Variants in GPR107 observed in about 807,000 individuals in gnomAD.
The protein encoded by GPR107 is protein GPR107.
A neutral mutation model predicts 75.5 loss-of-function variants in GPR107; 31 were observed. The observed-to-expected ratio is 0.41, with a 90% CI of 0.31 to 0.55. The LOEUF is 0.55. Ranked by LOEUF, GPR107 falls within the 20% of genes least tolerant of loss-of-function variation. The pLI is 0.26. For missense variants in GPR107, 572 were observed against 665.7 expected, an observed-to-expected ratio of 0.86 and a Z score of 1.55; for synonymous variants, 267 against 251.3, an observed-to-expected ratio of 1.06 and a Z score of -0.59.
intron 17 of GPR107, 86 bp downstream of exon 17, chr9:130,128,847 C>T: frequency 7.8e-7 from 1 of 1,279,060 alleles, no homozygotes; most frequent in Non-Finnish European, 1.1e-6. Flanking sequence ...CGGCTGCTCT[C>T]AGCATTTCGT....
chr9:130,060,546 A>G (rs1423945263), intron 1 of GPR107, among the ~76,000 whole-genome samples: 2 of 151,950 alleles, frequency 1.3e-5, no homozygotes, highest in African/African-American at 4.8e-5. Flanking sequence ...CAGCCTCCAA[A>G]GTAGCTAAGA....
intron 1 of GPR107, among the ~76,000 whole-genome samples, chr9:130,072,806 C>T (rs1399516417): frequency 1.3e-5 from 2 of 151,872 alleles, no homozygotes; most frequent in African/African-American, 4.8e-5. Flanking sequence ...TTGTGGTGGC[C>T]TAAGTATAAA....
At chr9:130,093,901 C>CA (rs1830801445) in intron 9 of GPR107, among the ~76,000 whole-genome samples, 1 of 152,162 alleles carries the variant, frequency 6.6e-6, no homozygotes, top group African/African-American at 2.4e-5. Flanking sequence ...CTGCAACCTC[C>CA]ACCTCTGGGT....
intron 16 of GPR107, among the ~76,000 whole-genome samples, chr9:130,128,092 T>C (rs936449367): frequency 2.0e-5 from 3 of 152,220 alleles, no homozygotes; most frequent in African/African-American, 7.2e-5. Flanking sequence ...ATAATTGCAT[T>C]CTTGATTTTA....
intron 14 of GPR107, chr9:130,114,811 A>ACTCAACAAGCCTCATCTC: frequency 2.8e-6 from 1 of 361,888 alleles, no homozygotes; most frequent in Non-Finnish European, 4.0e-6. Flanking sequence ...TGTGTTAGAG[A>ACTCAACAAGCCTCATCTC]TGAGGCTTGT....
chr9:130,132,649 T>C (rs546177318), intron 17 of GPR107, among the ~76,000 whole-genome samples: 1 of 152,138 alleles, frequency 6.6e-6, no homozygotes, highest in South Asian at 2.1e-4. Context: ...TAGCTGGGCA[T>C]GGGGACATGT....
In GPR107 at chr9:130,100,261, A is replaced by G. The variant is rs188528278; in HGVS notation, c.940-368A>G. ...TCTGTGATTTGAAGTTCAATTCAGT[A>G]TTAGCATATTTATCTGAGAGAAAAT... On this transcript the variant is annotated intron_variant, in intron 10 of 17. Coordinates refer to ENST00000347136, the MANE Select transcript of GPR107 (RefSeq NM_020960.5). Among the ~76,000 whole-genome samples the G allele has an allele frequency of 1.1e-3, 162 of 152,322 alleles. 1 individual carries two copies. Among genetic ancestry groups the G allele is most frequent in the Non-Finnish European group, 1.6e-3 (108 of 68,036 alleles).
At chr9:130,064,185 C>CTTTT (rs1045833413) in intron 1 of GPR107, among the ~76,000 whole-genome samples, 2,240 of 82,438 alleles carry the variant, frequency 0.027, 197 homozygotes, top group Non-Finnish European at 0.038. Flanking sequence ...AATAGCTTTT[C>CTTTT]TTTTTTTTTT....
At chr9:130,124,110 T>G (rs1475573222) in intron 14 of GPR107, among the ~76,000 whole-genome samples, 1 of 152,238 alleles carries the variant, frequency 6.6e-6, no homozygotes, top group African/African-American at 2.4e-5. Context: ...CAACTAATCA[T>G]GAGCCCAAAG....
At chr9:130,080,531 G>A (rs1006003204) in intron 5 of GPR107, among the ~76,000 whole-genome samples, 14 of 150,210 alleles carry the variant, frequency 9.3e-5, no homozygotes, top group Admixed American at 3.3e-4. Flanking sequence ...TCGCTCTGTC[G>A]CCCAGGCTGG....
intron 14 of GPR107, among the ~76,000 whole-genome samples, chr9:130,122,181 G>A (rs117485745): frequency 0.022 from 3,405 of 152,246 alleles, 54 homozygotes; most frequent in Middle Eastern, 0.034. Flanking sequence ...ATGAGCCGCC[G>A]CGCCCAGCCT....
chr9:130,109,923 A>G (rs1467302450), intron 14 of GPR107, among the ~76,000 whole-genome samples: 1 of 152,094 alleles, frequency 6.6e-6, no homozygotes, highest in Non-Finnish European at 1.5e-5. Flanking sequence ...TTATTATCTT[A>G]TACACTTCTG....
At chr9:130,060,808 C>T (rs1213640527) in intron 1 of GPR107, among the ~76,000 whole-genome samples, 1 of 152,136 alleles carries the variant, frequency 6.6e-6, no homozygotes, top group African/African-American at 2.4e-5. Flanking sequence ...GACTTTGTGT[C>T]AGCAGCTTAG....
intron 9 of GPR107, among the ~76,000 whole-genome samples, chr9:130,095,103 T>C (rs1374077093): frequency 6.6e-6 from 1 of 152,226 alleles, no homozygotes; most frequent in East Asian, 1.9e-4. Flanking sequence ...GGACAGTGAC[T>C]GCCTGTGTGC....
At chr9:130,077,729 G>A (rs1187734760) in intron 4 of GPR107, among the ~76,000 whole-genome samples, 1 of 152,208 alleles carries the variant, frequency 6.6e-6, no homozygotes, top group African/African-American at 2.4e-5. Flanking sequence ...CAAAGGCAGA[G>A]TGGAAACAAG....
At chr9:130,077,129 A>T (rs1830370305) in intron 3 of GPR107, among the ~76,000 whole-genome samples, 170 bp from the exon 4 acceptor site, 1 of 151,312 alleles carries the variant, frequency 6.6e-6, no homozygotes, top group Non-Finnish European at 1.5e-5. Flanking sequence ...CTCACGATCC[A>T]CCCACCTCGG....
At chr9:130,087,849 G>A (rs74360591) in intron 7 of GPR107, among the ~76,000 whole-genome samples, 2,951 of 148,204 alleles carry the variant, frequency 0.02, 52 homozygotes, top group Middle Eastern at 0.036. Flanking sequence ...TGCACAGGTC[G>A]TGTCTTAAGT....
intron 1 of GPR107, among the ~76,000 whole-genome samples, chr9:130,060,272 G>C (rs933726280): frequency 1.3e-5 from 2 of 151,174 alleles, no homozygotes; most frequent in African/African-American, 2.4e-5. Flanking sequence ...CCTGTTGACC[G>C]GGCTGGTCTC....
At chr9:130,057,501 T>TAAAAA (rs5900883) in intron 1 of GPR107, among the ~76,000 whole-genome samples, 1 of 134,920 alleles carries the variant, frequency 7.4e-6, no homozygotes, top group Non-Finnish European at 1.6e-5. Context: ...CCCTATTTCT[T>TAAAAA]AAAAAAAAAA....
Sources: allele counts gnomAD v4.1 joint callset (sites outside exome capture counted in the v4.1 genomes callset), GRCh38; gene constraint gnomAD v4.1.1; transcripts MANE v1.5; gene names NCBI Gene and HGNC (gene_info 2026-07-23, HGNC 2026-07-21).